ECHDC3: variants seen among roughly 807,000 people sequenced by gnomAD.
ECHDC3 encodes enoyl-CoA hydratase domain containing 3.
ECHDC3 carries 20 observed loss-of-function variants against 17.9 expected under a neutral mutation model. The ratio of observed to expected loss-of-function variants is 1.12; its 90% CI spans 0.79 to 1.63. ECHDC3 has a LOEUF of 1.63. Among genes scored for constraint, ECHDC3 ranks in the 40% most tolerant of loss-of-function variants. The pLI is 0.00. For missense variants in ECHDC3, 407 were observed against 357.7 expected (o/e 1.14, Z -1.11); for synonymous variants, 177 against 149.7 (o/e 1.18, Z -1.33).
At chr10:11,752,711 C>T (rs1832840094) in intron 3 of ECHDC3, among the ~76,000 whole-genome samples, 1 of 152,028 alleles carries the variant, frequency 6.6e-6, no homozygotes, top group South Asian at 2.1e-4. Context: ...ATATAACTGT[C>T]GTGTTCTATA....
At chr10:11,745,455 C>A (rs578215316) in intron 1 of ECHDC3, among the ~76,000 whole-genome samples, 1 of 152,272 alleles carries the variant, frequency 6.6e-6, no homozygotes, top group Admixed American at 6.5e-5. Flanking sequence ...GTTTTGAAGT[C>A]TATCAGCAAA....
chr10:11,750,982 T>C (rs974835290), intron 3 of ECHDC3, among the ~76,000 whole-genome samples: 1 of 152,212 alleles, frequency 6.6e-6, no homozygotes, highest in African/African-American at 2.4e-5. Flanking sequence ...AACAGCAATT[T>C]ACTCGAAGCT....
At chr10:11,761,690 G>C (rs568150765) in intron 4 of ECHDC3, among the ~76,000 whole-genome samples, 18 of 152,236 alleles carry the variant, frequency 1.2e-4, no homozygotes, top group African/African-American at 4.1e-4. Context: ...CGGCCTCTCC[G>C]TGTGGCTTGG....
At chr10:11,755,747 A>G (rs1441343366) in intron 4 of ECHDC3, 139 bp downstream of exon 4, 8 of 769,852 alleles carry the variant, frequency 1.0e-5, no homozygotes, top group Non-Finnish European at 1.2e-5. Context: ...CTCTGGCTAG[A>G]TGGGCCAGGA....
chr10:11,746,339 A>G lies in ECHDC3; in HGVS notation c.171-1010A>G, dbSNP rs867633633. On this transcript the variant is annotated intron_variant, in intron 1 of 4. Coordinates refer to ENST00000379215, the MANE Select transcript of ECHDC3 (RefSeq NM_024693.5). ...GTGAAACTCCATCTCAAAAAAAAAA[A>G]AAAAAAAAAAAAAAAAGATGGAGTG... is the stretch of plus-strand genomic sequence containing the variant. Among the ~76,000 whole-genome samples, 12 of 3,966 alleles carry G rather than the reference A, an allele frequency of 3.0e-3. No individual in the cohort carries two copies. In the South Asian group the frequency reaches 0.27, roughly 88 times the overall value. The allele number at this position is 3,966 out of a possible 152,430, so 2.6% of individuals were successfully genotyped here. A position where few individuals can be genotyped will look rare whatever the true frequency, so the allele number is the denominator to read the frequency against.
At chr10:11,760,161 C>G (rs1588466034) in intron 4 of ECHDC3, among the ~76,000 whole-genome samples, 2 of 152,244 alleles carry the variant, frequency 1.3e-5, no homozygotes, top group East Asian at 3.8e-4. Context: ...GCCCTGCTGT[C>G]ATTAGTTAGT....
chr10:11,758,479 C>A (rs61308275), intron 4 of ECHDC3, among the ~76,000 whole-genome samples: 204 of 152,304 alleles, frequency 1.3e-3, no homozygotes, highest in African/African-American at 4.7e-3. Flanking sequence ...GGTTTCCAAG[C>A]TGGAAAGATG....
chr10:11,761,228 T>C (rs1832947026), intron 4 of ECHDC3, among the ~76,000 whole-genome samples: 1 of 152,188 alleles, frequency 6.6e-6, no homozygotes, highest in Non-Finnish European at 1.5e-5. Context: ...CTGGGAGCAG[T>C]ATTGGCCCAG....
intron 3 of ECHDC3, 26 bp from the exon 4 acceptor site, chr10:11,755,382 A>G: frequency 6.3e-7 from 1 of 1,588,560 alleles, no homozygotes; most frequent in East Asian, 2.3e-5. Context: ...CTGGGTGGAA[A>G]TGAAGTAGGT....
chr10:11,747,266 CT>C lies in ECHDC3; in HGVS notation c.171-82del, dbSNP rs1832771233. ...CTCCTTTCTTGTCTGTTAAAAATAC[CT>C]CCTAAATTAGACAGGAATCGCAGGG... On this transcript the variant is annotated intron_variant, in intron 1 of 4. Coordinates refer to ENST00000379215, the MANE Select transcript of ECHDC3 (RefSeq NM_024693.5). The C allele has an allele frequency of 1.7e-5, 26 of 1,548,370 alleles. 1 individual carries two copies. The South Asian group carries it at 2.9e-4, about 17-fold the overall frequency.
chr10:11,759,464 G>A (rs4750104), intron 4 of ECHDC3, among the ~76,000 whole-genome samples: 141,667 of 151,790 alleles, frequency 0.93, 66,948 homozygotes, highest in East Asian at 1. Flanking sequence ...CGAACCAGGA[G>A]GCAGGTCCTC....
chr10:11,745,177 T>G (rs1202314769), intron 1 of ECHDC3, among the ~76,000 whole-genome samples: 1 of 152,156 alleles, frequency 6.6e-6, no homozygotes, highest in African/African-American at 2.4e-5. Flanking sequence ...TGAGCCTGGT[T>G]CCTCTGGGTT....
intron 1 of ECHDC3, among the ~76,000 whole-genome samples, chr10:11,743,676 C>T (rs150979149): frequency 1.7e-3 from 260 of 152,340 alleles, no homozygotes; most frequent in African/African-American, 5.9e-3. Flanking sequence ...CAGTAATGGC[C>T]GCAGGGTTTG....
intron 3 of ECHDC3, 61 bp from the exon 4 acceptor site, chr10:11,755,347 A>G (rs1832873450): frequency 1.5e-6 from 2 of 1,315,414 alleles, no homozygotes; most frequent in Admixed American, 2.1e-5. Context: ...AAAAAAAGCA[A>G]TAGGCGTTAA....
chr10:11,742,880 C>A, intron 1 of ECHDC3, 134 bp downstream of exon 1: 1 of 1,052,748 alleles, frequency 9.5e-7, no homozygotes. Context: ...GTGTCCCGGA[C>A]CCGGGCCTGG....
rs1832704745 is a variant in ECHDC3 at position 11,742,498 on chromosome 10, C to G, written c.-79C>G. On this transcript the variant is annotated 5_prime_UTR_variant, in exon 1 of 5. Transcript: ENST00000379215. ...TCGAGTTCCGTCCCGGCCCTGCTCA[C>G]AGCAGCGCCCTCGGAGCGCCCAGCA... The G allele has an allele frequency of 1.6e-6, 2 of 1,218,836 alleles. No individual in the cohort carries two copies. Among genetic ancestry groups the G allele is most frequent in the Non-Finnish European group, 1.0e-6 (1 of 971,210 alleles). The allele number at this position is 1,218,836 out of a possible 1,614,324, so 75.5% of individuals were successfully genotyped here. A position where few individuals can be genotyped will look rare whatever the true frequency, so the allele number is the denominator to read the frequency against.
At chr10:11,743,445 C>T (rs1588461208) in intron 1 of ECHDC3, among the ~76,000 whole-genome samples, 1 of 152,268 alleles carries the variant, frequency 6.6e-6, no homozygotes, top group Non-Finnish European at 1.5e-5. Context: ...GGTGGTTCCC[C>T]GCAGGGGTAG....
At chr10:11,746,328 C>CAAAAA (rs67772247) in intron 1 of ECHDC3, among the ~76,000 whole-genome samples, 1 of 93,400 alleles carries the variant, frequency 1.1e-5, no homozygotes, top group African/African-American at 4.2e-5. Context: ...AACTCCATCT[C>CAAAAA]AAAAAAAAAA....
In ECHDC3 at chr10:11,763,272, GCC is replaced by G; in HGVS notation, c.642_643del (p.Leu215AlafsTer6). On this transcript the variant is annotated frameshift_variant, in exon 5 of 5. Coordinates refer to ENST00000379215, the MANE Select transcript of ECHDC3 (RefSeq NM_024693.5). LOFTEE classifies it high-confidence loss of function. This position sits in a 1 kb window ranked among gnomAD's most constrained non-coding sequence, Gnocchi z 4.9. ...TGGTGAGCCCATTTCTGCCCAGGAG[GCC>G]CTGCTCCACGGGCTGCTTAGCAAGG... ...FTGEPISAQE[A>X]LLHGLLSKVV... 1.3e-6 allele frequency: 1 copy of G among 780,166 alleles called. No homozygotes were observed. Among genetic ancestry groups the G allele is most frequent in the Middle Eastern group, 2.3e-4 (1 of 4,442 alleles). 48.3% of individuals were successfully genotyped at this position (780,166 alleles called of 1,614,324 possible).
Sources: gnomAD v4.1 joint callset for allele counts (sites outside exome capture counted in the v4.1 genomes callset) on GRCh38, gnomAD v4.1.1 for gene constraint, Gnocchi (gnomAD v3.1) non-coding constraint, MANE v1.5 for transcripts, NCBI Gene and HGNC (gene_info 2026-07-23, HGNC 2026-07-21) for gene names.